CLVS1: variants seen among roughly 807,000 people sequenced by gnomAD.
CLVS1 encodes clavesin 1.
CLVS1 carries 10 observed loss-of-function variants against 33.1 expected under a neutral mutation model. The observed-to-expected ratio is 0.30, with a 90% confidence interval of 0.19 to 0.51. The LOEUF is 0.51. CLVS1 is among the 20% of genes least tolerant of loss of function. The probability of loss-of-function intolerance (pLI) is 0.97; values close to 1 mark genes in which losing one functional copy is unlikely to be tolerated. For synonymous variants in CLVS1, 163 were observed against 166.1 expected (o/e 0.98, Z 0.14); for missense variants, 343 against 433.4 (o/e 0.79, Z 1.85).
chr8:60,966,218 G>A, the CLVS1 span: 3 of 361,056 alleles, frequency 8.3e-6, no homozygotes, highest in African/African-American at 6.4e-5. Context: ...TGAACAAGTG[G>A]TACCCTAACT....
chr8:61,131,649 G>T (rs1236504268), intron 1 of CLVS1: 1 of 150,810 alleles, frequency 6.6e-6, no homozygotes, highest in Non-Finnish European at 1.5e-5. Context: ...TTAATGCAAA[G>T]AACTTCCTTT....
the CLVS1 span, among the ~76,000 whole-genome samples, chr8:60,975,359 G>T: frequency 6.6e-6 from 1 of 152,138 alleles, no homozygotes; most frequent in African/African-American, 2.4e-5. Flanking sequence ...AAAAACTAGG[G>T]TTTTGTAGTG....
rs1276232463 is a variant in CLVS1, at chr8:61,222,945, T to A, written c.-151-76732T>A. 4.0e-3 allele frequency among the ~76,000 whole-genome samples: 520 copies of A among 130,404 alleles called. 1 individual carries two copies. Among genetic ancestry groups the A allele is most frequent in the African/African-American group, 0.013 (458 of 34,134 alleles). 85.6% of individuals were successfully genotyped at this position (130,404 alleles called of 152,430 possible). On this transcript the variant is annotated intron_variant, in intron 2 of 2. Transcript: ENST00000522621. ...CCCTTTTTTGTCTTTTTTTTTTTTTTATCTTTGTTGGTTTAAAGTCTGTTT... is the reference window on the plus strand; with the variant it reads ...CCCTTTTTTGTCTTTTTTTTTTTTTAATCTTTGTTGGTTTAAAGTCTGTTT...
chr8:61,235,572 T>A (rs892800500), intron 2 of CLVS1, among the ~76,000 whole-genome samples: 1 of 152,176 alleles, frequency 6.6e-6, no homozygotes. Context: ...ACTAAAACAA[T>A]TAAACATTTT....
chr8:61,024,847 T>G, the CLVS1 span, among the ~76,000 whole-genome samples: 3 of 151,994 alleles, frequency 2.0e-5, no homozygotes, highest in Non-Finnish European at 4.4e-5. Context: ...TCTTTTCTTT[T>G]TTTTCTTTCT....
intron 2 of CLVS1, among the ~76,000 whole-genome samples, chr8:61,159,225 G>A (rs1459066970): frequency 6.6e-6 from 1 of 152,148 alleles, no homozygotes; most frequent in Non-Finnish European, 1.5e-5. Context: ...TGACATTGTT[G>A]GGCAGAACCA....
intron 2 of CLVS1, among the ~76,000 whole-genome samples, chr8:61,253,706 A>T (rs1809002590): frequency 6.6e-6 from 1 of 152,154 alleles, no homozygotes; most frequent in African/African-American, 2.4e-5. Context: ...CTTCCAGTTG[A>T]TCAAATCAGC....
chr8:61,205,081 A>G (rs1466103171), intron 2 of CLVS1, among the ~76,000 whole-genome samples: 3 of 152,174 alleles, frequency 2.0e-5, no homozygotes, highest in Non-Finnish European at 4.4e-5. Flanking sequence ...GAATTCATAA[A>G]CCTAATTATG....
At chr8:61,185,275 A>G (rs2129301483) in intron 2 of CLVS1, among the ~76,000 whole-genome samples, 1 of 150,994 alleles carries the variant, frequency 6.6e-6, no homozygotes, top group East Asian at 1.9e-4. Flanking sequence ...TCAAGTAGCT[A>G]GGATTACAAG....
intron 2 of CLVS1, among the ~76,000 whole-genome samples, chr8:61,326,425 G>T (rs1312112166): frequency 6.6e-6 from 1 of 152,116 alleles, no homozygotes; most frequent in Non-Finnish European, 1.5e-5. Context: ...TTTGATCTTG[G>T]TCTTCTATAC....
chr8:61,432,878 T>C (rs1339911046), intron 3 of CLVS1, among the ~76,000 whole-genome samples: 1 of 152,108 alleles, frequency 6.6e-6, no homozygotes, highest in Non-Finnish European at 1.5e-5. Flanking sequence ...CTGTGCTTTT[T>C]CCAAAGAGAG....
chr8:61,012,748 A>G, the CLVS1 span, among the ~76,000 whole-genome samples: 1 of 152,138 alleles, frequency 6.6e-6, no homozygotes, highest in Non-Finnish European at 1.5e-5. Flanking sequence ...CACTGCCTCC[A>G]TCATCACCTG....
intron 3 of CLVS1, among the ~76,000 whole-genome samples, chr8:61,437,662 G>A (rs1432305384): frequency 1.3e-5 from 2 of 152,148 alleles, no homozygotes; most frequent in African/African-American, 2.4e-5. Flanking sequence ...TGTTCATTCT[G>A]TTCCAATAAC....
At chr8:61,046,597 G>A in the CLVS1 span, among the ~76,000 whole-genome samples, 5 of 150,490 alleles carry the variant, frequency 3.3e-5, no homozygotes, top group South Asian at 4.2e-4. Flanking sequence ...CCATTTTCAC[G>A]ATATTGATTC....
chr8:61,169,643 C>T (rs559974915), intron 2 of CLVS1, among the ~76,000 whole-genome samples: 5 of 152,122 alleles, frequency 3.3e-5, no homozygotes, highest in Admixed American at 6.5e-5. Context: ...TGTCCCAGGC[C>T]GTTGTCTGTT....
intron 1 of CLVS1, among the ~76,000 whole-genome samples, chr8:61,067,839 G>C (rs1804710589): frequency 6.6e-6 from 1 of 151,998 alleles, no homozygotes; most frequent in East Asian, 1.9e-4. Flanking sequence ...GAGGGAAAGT[G>C]GGGGTCAAGG....
At chr8:61,065,638 GT>G (rs879929468) in intron 1 of CLVS1, among the ~76,000 whole-genome samples, 24 of 152,246 alleles carry the variant, frequency 1.6e-4, no homozygotes, top group African/African-American at 5.8e-4. Context: ...AAGAAAATTT[GT>G]TTTTTGTCTT....
chr8:61,320,457 T>G (rs1286818125), intron 2 of CLVS1, among the ~76,000 whole-genome samples: 1 of 152,216 alleles, frequency 6.6e-6, no homozygotes, highest in Non-Finnish European at 1.5e-5. Context: ...ATCCTAGATC[T>G]GTACTAAATT....
intron 2 of CLVS1, among the ~76,000 whole-genome samples, chr8:61,265,942 C>T (rs1809294619): frequency 6.6e-6 from 1 of 152,222 alleles, no homozygotes; most frequent in South Asian, 2.1e-4. Flanking sequence ...GAGAAGCCCC[C>T]TCACCAGCCA....
Sources: allele counts gnomAD v4.1 joint callset (sites outside exome capture counted in the v4.1 genomes callset), GRCh38; gene constraint gnomAD v4.1.1; transcripts MANE v1.5; gene names NCBI Gene and HGNC (gene_info 2026-07-23, HGNC 2026-07-21).